Variants in MS4A4E observed in about 807,000 individuals in gnomAD.
MS4A4E encodes the protein putative membrane-spanning 4-domains subfamily A member 4E.
In MS4A4E, 23 loss-of-function variants were observed where a neutral mutation model predicts 13.3. That is an observed-to-expected ratio of 1.73 (90% CI 1.25 to 2.45). The LOEUF (loss-of-function observed/expected upper bound fraction) is 2.45. Ranked by LOEUF, MS4A4E falls within the 30% of genes most tolerant of loss-of-function variation. MS4A4E has a pLI of 0.00. For missense variants in MS4A4E, 144 were observed against 131.2 expected (o/e 1.10, Z -0.48); for synonymous variants, 36 against 45.6 (o/e 0.79, Z 0.85).
In MS4A4E at chr11:60,224,542, A is replaced by G. The variant is rs369053248; in HGVS notation, c.178+4052T>C. ...ACCCTTACTGATAGTTGATTTGGGC[A>G]TATGTATATAAAATATTTATCAAAA... On this transcript the variant is annotated intron_variant, in intron 3 of 8. Coordinates refer to ENST00000651255, the MANE Select transcript of MS4A4E (RefSeq NM_001393391.1). Among the ~76,000 whole-genome samples the G allele has an allele frequency of 3.3e-5, 5 of 152,362 alleles. No individual in the cohort carries two copies. The East Asian group carries it at 5.8e-4, about 18-fold the overall frequency.
At chr11:60,225,170 C>T (rs796718864) in intron 3 of MS4A4E, 5 of 1,325,968 alleles carry the variant, frequency 3.8e-6, no homozygotes, top group Non-Finnish European at 4.9e-6. Context: ...AATCACTAAG[C>T]TATCCTTATT....
At chr11:60,214,730 G>T (rs2084169176) in intron 3 of MS4A4E, 116 bp from the exon 4 acceptor site, 3 of 521,324 alleles carry the variant, frequency 5.8e-6, no homozygotes, top group Non-Finnish European at 9.5e-6. Flanking sequence ...GTATAAACAG[G>T]TCAATTATCT....
intron 1 of MS4A4E, among the ~76,000 whole-genome samples, chr11:60,236,733 G>GT (rs765364790): frequency 1.4e-3 from 200 of 142,654 alleles, no homozygotes; most frequent in East Asian, 4.4e-3. Flanking sequence ...TATCATCCAG[G>GT]TTTTTTTTTT....
At chr11:60,238,954 T>C (rs2134975891) in intron 1 of MS4A4E, among the ~76,000 whole-genome samples, 1 of 152,262 alleles carries the variant, frequency 6.6e-6, no homozygotes, top group African/African-American at 2.4e-5. Context: ...CCCAGATACA[T>C]ACAAAGAGAA....
At chr11:60,211,408 A>G (rs1316064427) in intron 5 of MS4A4E, among the ~76,000 whole-genome samples, 3 of 152,210 alleles carry the variant, frequency 2.0e-5, no homozygotes, top group African/African-American at 7.2e-5. Context: ...CGTAGCCCTC[A>G]AGACTATGTG....
chr11:60,236,365 T>C (rs189181295), intron 1 of MS4A4E, among the ~76,000 whole-genome samples: 1 of 152,314 alleles, frequency 6.6e-6, no homozygotes, highest in African/African-American at 2.4e-5. Flanking sequence ...ATAAAGATTG[T>C]GTTGAATCTG....
At chr11:60,213,373 T>C (rs899466081) in intron 4 of MS4A4E, 25 of 1,418,698 alleles carry the variant, frequency 1.8e-5, no homozygotes, top group Non-Finnish European at 2.4e-5. Context: ...TTTATCAGGG[T>C]TTTCAATGAT....
At chr11:60,213,874 C>T (rs1349122648) in intron 4 of MS4A4E, among the ~76,000 whole-genome samples, 1 of 151,618 alleles carries the variant, frequency 6.6e-6, no homozygotes, top group Non-Finnish European at 1.5e-5. Flanking sequence ...ATTGAAAATT[C>T]AAAATCCTTT....
rs1262687014 is a variant in MS4A4E, at chr11:60,208,140, T to C, written c.483+453A>G. 2.6e-5 allele frequency among the ~76,000 whole-genome samples: 4 copies of C among 152,198 alleles called. No homozygotes were observed. In the East Asian group the frequency reaches 7.7e-4, roughly 29 times the overall value. ...GTGATTCCCTTCTCTCAAGTGTGGA[T>C]GAAACCTGTGTATAAGATGGGATAC... On this transcript the variant is annotated intron_variant, in intron 6 of 8. Transcript: ENST00000651255.
At chr11:60,208,572 C>T in intron 6 of MS4A4E, 21 bp downstream of exon 6, 2 of 922,610 alleles carry the variant, frequency 2.2e-6, no homozygotes, top group East Asian at 2.5e-5. Context: ...CAGATACCTT[C>T]AAATGAAGGC....
intron 1 of MS4A4E, among the ~76,000 whole-genome samples, chr11:60,240,702 T>A (rs922857163): frequency 1.2e-4 from 19 of 152,164 alleles, no homozygotes; most frequent in Admixed American, 1.2e-3. Flanking sequence ...CATTTGCATA[T>A]GTTGAGCCCG....
intron 3 of MS4A4E, among the ~76,000 whole-genome samples, chr11:60,223,166 T>C (rs1373321625): frequency 6.6e-6 from 1 of 152,208 alleles, no homozygotes; most frequent in Non-Finnish European, 1.5e-5. Context: ...GTTGCAGAAA[T>C]GAAGACCGTA....
At position 60,228,561 on chromosome 11, in the gene MS4A4E, A is replaced by T. The variant is rs908595025; in HGVS notation, c.178+33T>A. 4.4e-5 allele frequency: 29 copies of T among 651,822 alleles called. No homozygotes were observed. The African/African-American group carries it at 4.9e-4, about 11-fold the overall frequency. 40.4% of individuals were successfully genotyped at this position (651,822 alleles called of 1,614,324 possible). A position where few individuals can be genotyped will look rare whatever the true frequency, so the allele number is the denominator to read the frequency against. Reference sequence around the variant, plus strand: ...GGCAGTTTCTTACAAAACTAAACATACTCTTACAATACAATATAGTAATCA... The same window carrying T: ...GGCAGTTTCTTACAAAACTAAACATTCTCTTACAATACAATATAGTAATCA... On this transcript the variant is annotated intron_variant, in intron 3 of 8. Coordinates refer to ENST00000651255, the MANE Select transcript of MS4A4E (RefSeq NM_001393391.1).
chr11:60,240,110 G>A (rs900911245), intron 1 of MS4A4E, among the ~76,000 whole-genome samples: 12 of 152,180 alleles, frequency 7.9e-5, no homozygotes, highest in African/African-American at 2.9e-4. Flanking sequence ...GATTACTTCA[G>A]AACACTACAA....
chr11:60,226,558 T>C (rs1233388002), intron 3 of MS4A4E, among the ~76,000 whole-genome samples: 1 of 152,182 alleles, frequency 6.6e-6, no homozygotes, highest in African/African-American at 2.4e-5. Flanking sequence ...TATCAACAGA[T>C]GCAGGAAAAA....
At chr11:60,223,353 T>G (rs1332209722) in intron 3 of MS4A4E, among the ~76,000 whole-genome samples, 1 of 152,214 alleles carries the variant, frequency 6.6e-6, no homozygotes, top group East Asian at 1.9e-4. Flanking sequence ...AGCATTTGTA[T>G]AGGGGATTGG....
intron 4 of MS4A4E, among the ~76,000 whole-genome samples, chr11:60,213,595 G>A (rs2084152587): frequency 6.6e-6 from 1 of 152,158 alleles, no homozygotes; most frequent in African/African-American, 2.4e-5. Context: ...AATTACACAG[G>A]AAAGTGTGAA....
At chr11:60,216,069 G>C (rs141807224) in intron 3 of MS4A4E, among the ~76,000 whole-genome samples, 98 of 152,280 alleles carry the variant, frequency 6.4e-4, no homozygotes, top group African/African-American at 2.1e-3. Flanking sequence ...CTTGGTACTG[G>C]TACTTATACT....
In MS4A4E at chr11:60,229,947, C is replaced by T. The variant is rs2084387072; in HGVS notation, c.109G>A (p.Glu37Lys). The T allele has an allele frequency of 1.2e-6, 2 of 1,612,304 alleles. No homozygotes were observed. The highest frequency in any genetic ancestry group is 1.7e-6 in the Non-Finnish European group (2 of 1,179,192). Residue 37 changes from glutamate to lysine, a missense_variant, in exon 2 of 9, where the codon GAG (glutamate) becomes AAG (lysine). Physicochemically the swap from Glu to Lys is moderately conservative, Grantham distance 56. This residue lies in a region of MS4A4E where 119 missense variants were observed against 88.7 expected (regional missense o/e 1.34). Coordinates refer to ENST00000651255, the MANE Select transcript of MS4A4E (RefSeq NM_001393391.1). ...TTGGGTTTCCTCTTGAAGAACTTCTCTTGCAATCCTTTACACAGATATGAA... is the reference window on the plus strand; with the variant it reads ...TTGGGTTTCCTCTTGAAGAACTTCTTTTGCAATCCTTTACACAGATATGAA... ...IHSYLCKGLQ[E>K]KFFKRKPKVL...
Sources: allele counts gnomAD v4.1 joint callset (sites outside exome capture counted in the v4.1 genomes callset), GRCh38; gene constraint gnomAD v4.1.1; regional missense constraint gnomAD v4.1.1; transcripts MANE v1.5; gene names NCBI Gene and HGNC (gene_info 2026-07-23, HGNC 2026-07-21).